BLOC1S5: variants seen among roughly 807,000 people sequenced by gnomAD.
BLOC1S5 encodes the protein biogenesis of lysosomal organelles complex 1 subunit 5.
Under a neutral mutation model 24.3 loss-of-function variants are expected in BLOC1S5, and 27 were observed. The observed-to-expected ratio is 1.11, with a 90% confidence interval of 0.82 to 1.53. The LOEUF (loss-of-function observed/expected upper bound fraction) is 1.53. BLOC1S5 is among the 40% of genes most tolerant of loss of function. The probability of loss-of-function intolerance (pLI) is 0.00; values close to 1 mark genes in which losing one functional copy is unlikely to be tolerated. For synonymous variants in BLOC1S5, 84 were observed against 74.5 expected (o/e 1.13, Z -0.66); for missense variants, 239 against 229.4 (o/e 1.04, Z -0.27).
chr6:8,057,801 T>C (rs1764367663), intron 2 of BLOC1S5, among the ~76,000 whole-genome samples: 2 of 152,224 alleles, frequency 1.3e-5, no homozygotes, highest in African/African-American at 2.4e-5. Flanking sequence ...TAAATACTTT[T>C]CTTTTTGTCT....
chr6:8,029,713 G>A (rs1386601432), intron 3 of BLOC1S5, among the ~76,000 whole-genome samples: 2 of 152,150 alleles, frequency 1.3e-5, no homozygotes, highest in African/African-American at 2.4e-5. Context: ...CCACACTAAC[G>A]AGATATCCCT....
At chr6:8,029,750 G>C (rs1763235293) in intron 3 of BLOC1S5, among the ~76,000 whole-genome samples, 1 of 152,138 alleles carries the variant, frequency 6.6e-6, no homozygotes, top group Non-Finnish European at 1.5e-5. Context: ...TTCAAGATGA[G>C]TGGCATTCTG....
At chr6:8,032,449 T>C (rs28882236) in intron 3 of BLOC1S5, among the ~76,000 whole-genome samples, 1 of 151,876 alleles carries the variant, frequency 6.6e-6, no homozygotes, top group Non-Finnish European at 1.5e-5. Flanking sequence ...ATTTAAAAAA[T>C]TTAAAAAAAA....
chr6:8,062,395 C>T (rs929101841), intron 2 of BLOC1S5, 139 bp downstream of exon 2: 11 of 591,104 alleles, frequency 1.9e-5, no homozygotes, highest in African/African-American at 1.1e-4. Flanking sequence ...ACAATTTTTA[C>T]GTCTTCATCA....
At chr6:8,023,844 G>A (rs1057248817) in intron 4 of BLOC1S5, among the ~76,000 whole-genome samples, 1 of 152,050 alleles carries the variant, frequency 6.6e-6, no homozygotes, top group Non-Finnish European at 1.5e-5. Flanking sequence ...GTGCACATGT[G>A]TATATGTGCA....
chr6:8,024,376 AT>A (rs1359626339), intron 4 of BLOC1S5, among the ~76,000 whole-genome samples: 1 of 151,854 alleles, frequency 6.6e-6, no homozygotes, highest in Non-Finnish European at 1.5e-5. Flanking sequence ...AAATACAAAA[AT>A]TAGCTAGGAT....
intron 3 of BLOC1S5, among the ~76,000 whole-genome samples, chr6:8,027,862 C>T (rs7744671): frequency 0.039 from 5,890 of 151,846 alleles, 361 homozygotes; most frequent in African/African-American, 0.13. Flanking sequence ...TCAAGAACTG[C>T]TCATTGTCAC....
At chr6:8,031,703 A>G (rs558571361) in intron 3 of BLOC1S5, among the ~76,000 whole-genome samples, 1 of 152,296 alleles carries the variant, frequency 6.6e-6, no homozygotes, top group South Asian at 2.1e-4. Context: ...TCATCACACT[A>G]CCTGACTTCA....
At chr6:8,049,157 G>A (rs1764018593) in intron 2 of BLOC1S5, among the ~76,000 whole-genome samples, 1 of 151,562 alleles carries the variant, frequency 6.6e-6, no homozygotes, top group Non-Finnish European at 1.5e-5. Flanking sequence ...GATCACATGA[G>A]GTCAGGAGTT....
intron 2 of BLOC1S5, among the ~76,000 whole-genome samples, chr6:8,061,287 A>G (rs1764504728): frequency 6.6e-6 from 1 of 152,196 alleles, no homozygotes; most frequent in African/African-American, 2.4e-5. Context: ...GATAAAAAAG[A>G]CTTAAAAATT....
chr6:8,022,568 A>ATTTT lies in BLOC1S5; in HGVS notation c.384+3795_384+3798dup, dbSNP rs35289860. Among the ~76,000 whole-genome samples the ATTTT allele has an allele frequency of 8.9e-5, 11 of 123,974 alleles. 1 individual carries two copies. The highest frequency in any genetic ancestry group is 1.2e-4 in the Non-Finnish European group (7 of 60,710). The allele number at this position is 123,974 out of a possible 152,430, so 81.3% of individuals were successfully genotyped here. On this transcript the variant is annotated intron_variant, in intron 4 of 4. Coordinates refer to ENST00000397457, the MANE Select transcript of BLOC1S5 (RefSeq NM_201280.3). Reference sequence around the variant, plus strand: ...ATATGTTACTCTATTTTCAAACTCTATTTTTTTTTTCTTTTTTTTTTTTCT... The same window carrying ATTTT: ...ATATGTTACTCTATTTTCAAACTCTATTTTTTTTTTTTTTCTTTTTTTTTTTTCT...
rs777335907 is a variant in BLOC1S5 at position 8,015,651 on chromosome 6, AAAAGGTTG to A, written c.554_561del (p.Ser185LeufsTer4). 1 of 1,609,818 alleles carries A rather than the reference AAAAGGTTG, an allele frequency of 6.2e-7. No homozygotes were observed. Among genetic ancestry groups the A allele is most frequent in the African/African-American group, 1.3e-5 (1 of 74,672 alleles). ...TGTGATTGTTGTGGTTCAAGTTCTTAAAAGGTTGAAAATTTCGCTAGGTCCTTCTCCAT... is the reference window on the plus strand; with the variant it reads ...TGTGATTGTTGTGGTTCAAGTTCTTAAAAATTTCGCTAGGTCCTTCTCCAT... On this transcript the variant is annotated frameshift_variant, in exon 5 of 5. Transcript: ENST00000397457. LOFTEE classifies it high-confidence loss of function.
intron 4 of BLOC1S5, among the ~76,000 whole-genome samples, chr6:8,022,592 C>T (rs13218235): frequency 0.25 from 22,096 of 87,250 alleles, 3,321 homozygotes; most frequent in East Asian, 0.67. Flanking sequence ...TTTTTTTTTT[C>T]TTTTTTTTTT....
chr6:8,042,574 T>A (rs1172826636), intron 2 of BLOC1S5, among the ~76,000 whole-genome samples: 2 of 152,268 alleles, frequency 1.3e-5, no homozygotes, highest in Non-Finnish European at 2.9e-5. Context: ...CAAGACGGCT[T>A]TGAATGCAGC....
intron 4 of BLOC1S5, among the ~76,000 whole-genome samples, chr6:8,022,909 A>T (rs551820673): frequency 6.6e-6 from 1 of 152,306 alleles, no homozygotes; most frequent in East Asian, 1.9e-4. Context: ...AACAATGTAC[A>T]AGCCATGTGA....
intron 2 of BLOC1S5, among the ~76,000 whole-genome samples, chr6:8,046,680 A>G (rs538290656): frequency 2.6e-5 from 4 of 152,290 alleles, no homozygotes; most frequent in Non-Finnish European, 5.9e-5. Flanking sequence ...ACAATGTTCC[A>G]TACCTCATTC....
intron 2 of BLOC1S5, among the ~76,000 whole-genome samples, chr6:8,047,361 T>C (rs1389469285): frequency 6.6e-6 from 1 of 151,996 alleles, no homozygotes; most frequent in African/African-American, 2.4e-5. Flanking sequence ...GCGCACATTA[T>C]GACACTTGGC....
chr6:8,019,269 C>CTTT (rs3030896), intron 4 of BLOC1S5, among the ~76,000 whole-genome samples: 3,715 of 138,696 alleles, frequency 0.027, 73 homozygotes, highest in African/African-American at 0.042. Context: ...GGCATTCTTA[C>CTTT]TTTTTTTTTT....
At chr6:8,056,069 C>T (rs1326475504) in intron 2 of BLOC1S5, among the ~76,000 whole-genome samples, 2 of 152,198 alleles carry the variant, frequency 1.3e-5, no homozygotes, top group Admixed American at 1.3e-4. Context: ...ACTTTTCTTA[C>T]CTTCTGCCTC....
Sources: allele counts gnomAD v4.1 joint callset (sites outside exome capture counted in the v4.1 genomes callset), GRCh38; gene constraint gnomAD v4.1.1; transcripts MANE v1.5; gene names NCBI Gene and HGNC (gene_info 2026-07-23, HGNC 2026-07-21).